CADM2: variants seen among roughly 807,000 people sequenced by gnomAD.
CADM2 encodes the protein immunoglobulin superfamily member 4D.
In CADM2, 12 loss-of-function variants were observed where a neutral mutation model predicts 49.8. The observed-to-expected ratio is 0.24, with a 90% CI of 0.15 to 0.39. The LOEUF is 0.39. Among genes scored for constraint, CADM2 ranks in the 10% least tolerant of loss-of-function variants. The pLI is 1.00. For missense variants in CADM2, 378 were observed against 492.3 expected, an observed-to-expected ratio of 0.77 and a Z score of 2.20; for synonymous variants, 214 against 175.4, an observed-to-expected ratio of 1.22 and a Z score of -1.74.
At chr3:85,358,319 A>G (rs1373378760) in intron 1 of CADM2, among the ~76,000 whole-genome samples, 1 of 152,074 alleles carries the variant, frequency 6.6e-6, no homozygotes, top group Admixed American at 6.6e-5. Context: ...CTAGAATTAT[A>G]TATCTAAGAA....
intron 1 of CADM2, among the ~76,000 whole-genome samples, chr3:85,292,959 T>G: frequency 6.6e-6 from 1 of 151,706 alleles, no homozygotes; most frequent in South Asian, 2.1e-4. Flanking sequence ...CTGAAGGAAA[T>G]AGAGACACAA....
chr3:85,656,387 C>T lies in CADM2; in HGVS notation c.62-70135C>T, dbSNP rs905091150. ...ATCCTAGCACTTTGGGAGGCCGAGGCGGGCAGATCATGAGGTTAGGAGTTC... is the reference window on the plus strand; with the variant it reads ...ATCCTAGCACTTTGGGAGGCCGAGGTGGGCAGATCATGAGGTTAGGAGTTC... On this transcript the variant is annotated intron_variant, in intron 1 of 9. Coordinates refer to ENST00000383699, the MANE Select transcript of CADM2 (RefSeq NM_001167675.2). Among the ~76,000 whole-genome samples, 11 of 152,084 alleles carry T rather than the reference C, an allele frequency of 7.2e-5. No individual in the cohort carries two copies. The East Asian group carries it at 9.7e-4, about 13-fold the overall frequency.
chr3:85,487,851 A>T (rs1165357731), intron 1 of CADM2, among the ~76,000 whole-genome samples: 1 of 152,048 alleles, frequency 6.6e-6, no homozygotes, highest in Non-Finnish European at 1.5e-5. Context: ...TATCTGACAA[A>T]TGGGACCTTA....
chr3:85,776,763 A>G (rs1211335951), intron 2 of CADM2, among the ~76,000 whole-genome samples: 3 of 152,114 alleles, frequency 2.0e-5, no homozygotes, highest in African/African-American at 4.8e-5. Context: ...TGCCTTACAT[A>G]AGTAAATACT....
chr3:85,971,902 T>C (rs1559775289), intron 8 of CADM2, among the ~76,000 whole-genome samples: 1 of 151,744 alleles, frequency 6.6e-6, no homozygotes, highest in East Asian at 1.9e-4. Flanking sequence ...TTTCATATTT[T>C]AAGAACAGCT....
intron 1 of CADM2, among the ~76,000 whole-genome samples, chr3:84,968,812 G>A (rs932584682): frequency 6.6e-6 from 1 of 152,060 alleles, no homozygotes; most frequent in Admixed American, 6.6e-5. Flanking sequence ...GTGGGATCTT[G>A]AAGTTTTGCT....
intron 1 of CADM2, among the ~76,000 whole-genome samples, chr3:85,459,621 T>G (rs1023191434): frequency 6.6e-6 from 1 of 152,278 alleles, no homozygotes; most frequent in Admixed American, 6.5e-5. Context: ...TTAGATTCAA[T>G]AAAACTACAC....
chr3:85,051,336 T>G (rs1433070643), intron 1 of CADM2, among the ~76,000 whole-genome samples: 1 of 152,230 alleles, frequency 6.6e-6, no homozygotes, highest in Non-Finnish European at 1.5e-5. Flanking sequence ...TATGACTAAC[T>G]GTAGATTGCT....
chr3:86,027,443 A>T (rs926924975), intron 8 of CADM2, among the ~76,000 whole-genome samples: 1 of 152,156 alleles, frequency 6.6e-6, no homozygotes, highest in Non-Finnish European at 1.5e-5. Context: ...TGCATATTTT[A>T]TCATAAATCA....
chr3:85,643,317 A>G (rs1478139759), intron 1 of CADM2, among the ~76,000 whole-genome samples: 1 of 152,200 alleles, frequency 6.6e-6, no homozygotes, highest in Non-Finnish European at 1.5e-5. Flanking sequence ...AGCATCCTAG[A>G]AAATATTTTT....
rs138514785 is a variant in CADM2, at chr3:85,505,349, G to A, written c.62-221173G>A. ...TGCTCACAGGATCACATTACACAGT[G>A]CATTTCTTTCCTCTGGGGTGTAGCC... On this transcript the variant is annotated intron_variant, in intron 1 of 9. Transcript: ENST00000383699. Among the ~76,000 whole-genome samples the A allele has an allele frequency of 5.3e-3, 804 of 152,324 alleles. 7 individuals are homozygous for A. The highest frequency in any genetic ancestry group is 8.0e-3 in the Non-Finnish European group (542 of 68,030).
chr3:85,694,425 A>G (rs2066488021), intron 1 of CADM2, among the ~76,000 whole-genome samples: 1 of 152,182 alleles, frequency 6.6e-6, no homozygotes, highest in Non-Finnish European at 1.5e-5. Flanking sequence ...AGGGAGAGAG[A>G]ACTCAGCAGA....
rs571273432 is a variant in CADM2 at position 85,371,729 on chromosome 3, A to AT, written c.62-354786dup. On this transcript the variant is annotated intron_variant, in intron 1 of 9. Coordinates refer to ENST00000383699, the MANE Select transcript of CADM2 (RefSeq NM_001167675.2). ...TATATATATATTCACTTACAAGTGG[A>AT]TTTTTTTAACCAAACCTGGATCTAA... 1.1e-4 allele frequency among the ~76,000 whole-genome samples: 14 copies of AT among 130,278 alleles called. No homozygotes were observed. In the South Asian group the frequency reaches 1.5e-3, roughly 14 times the overall value. 85.5% of individuals were successfully genotyped at this position (130,278 alleles called of 152,430 possible).
intron 1 of CADM2, among the ~76,000 whole-genome samples, chr3:85,325,530 C>T (rs1403337663): frequency 1.3e-5 from 2 of 151,836 alleles, no homozygotes; most frequent in South Asian, 2.1e-4. Flanking sequence ...GCCAACATGG[C>T]GAAACCCCGT....
chr3:85,098,784 G>A (rs546662362), intron 1 of CADM2, among the ~76,000 whole-genome samples: 19 of 152,228 alleles, frequency 1.2e-4, no homozygotes, highest in African/African-American at 4.1e-4. Flanking sequence ...TCCGCACCTC[G>A]TGAATGCTGT....
chr3:85,245,380 C>A lies in CADM2; in HGVS notation c.61+285712C>A, dbSNP rs369501053. The stretch of plus-strand genomic sequence containing the variant: ...ACAAAAAATTAGCCGGGTGTGGTGA[C>A]GGGCGCCTGTAGTACCAGCTACTTG... On this transcript the variant is annotated intron_variant, in intron 1 of 9. Transcript: ENST00000383699. 5.3e-5 allele frequency among the ~76,000 whole-genome samples: 8 copies of A among 151,894 alleles called. No individual in the cohort carries two copies. The South Asian group carries it at 6.2e-4, about 12-fold the overall frequency.
intron 2 of CADM2, among the ~76,000 whole-genome samples, chr3:85,767,890 GCATCTT>G: frequency 6.6e-6 from 1 of 152,188 alleles, no homozygotes; most frequent in East Asian, 1.9e-4. Context: ...CTGTAATTTA[GCATCTT>G]AAACTTACGT....
Position 85,868,520 on chromosome 3 carries a change from C to T in CADM2, c.239-14771C>T, listed in dbSNP as rs145238379. 2.0e-4 allele frequency among the ~76,000 whole-genome samples: 30 copies of T among 152,072 alleles called. 1 individual carries two copies. In the East Asian group the frequency reaches 5.8e-3, roughly 29 times the overall value. ...GTAAATAGGTAATATTTTTCTGAGGCCTTGAATGTCTAACGATTTTCTATT... is the reference window on the plus strand; with the variant it reads ...GTAAATAGGTAATATTTTTCTGAGGTCTTGAATGTCTAACGATTTTCTATT... On this transcript the variant is annotated intron_variant, in intron 3 of 9. Transcript: ENST00000383699.
intron 3 of CADM2, among the ~76,000 whole-genome samples, chr3:85,871,510 T>A (rs2108354299): frequency 6.6e-6 from 1 of 152,294 alleles, no homozygotes; most frequent in East Asian, 1.9e-4. Flanking sequence ...TGCTCAGATA[T>A]ATATTATCTA....
Sources: gnomAD v4.1 joint callset for allele counts (sites outside exome capture counted in the v4.1 genomes callset) on GRCh38, gnomAD v4.1.1 for gene constraint, MANE v1.5 for transcripts, NCBI Gene and HGNC (gene_info 2026-07-23, HGNC 2026-07-21) for gene names.